CPA6: variants seen among roughly 807,000 people sequenced by gnomAD.
CPA6 encodes carboxypeptidase B.
CPA6 carries 58 observed loss-of-function variants against 63.3 expected under a neutral mutation model. That is an observed-to-expected ratio of 0.92 (90% confidence interval 0.74 to 1.14). The LOEUF (loss-of-function observed/expected upper bound fraction) is 1.14. CPA6 is among the 50% of genes most tolerant of loss of function. The probability of loss-of-function intolerance (pLI) is 0.00; values close to 1 mark genes in which losing one functional copy is unlikely to be tolerated. For synonymous variants in CPA6, 185 were observed against 179.0 expected (o/e 1.03, Z -0.27); for missense variants, 565 against 526.6 (o/e 1.07, Z -0.71).
intron 1 of CPA6, among the ~76,000 whole-genome samples, chr8:67,742,889 TTTA>T (rs199776905): frequency 0.011 from 1,730 of 152,320 alleles, 30 homozygotes; most frequent in African/African-American, 0.039. Context: ...TTTGCCAGAA[TTTA>T]TTGTTACTGT....
chr8:67,634,283 T>A (rs562901141), intron 1 of CPA6, among the ~76,000 whole-genome samples: 1 of 148,552 alleles, frequency 6.7e-6, no homozygotes, highest in Non-Finnish European at 1.5e-5. Context: ...GCAGTGGCAC[T>A]ATCTCGGCTC....
intron 2 of CPA6, among the ~76,000 whole-genome samples, chr8:67,543,257 G>A (rs1812743896): frequency 6.6e-6 from 1 of 152,208 alleles, no homozygotes; most frequent in Non-Finnish European, 1.5e-5. Flanking sequence ...GCTATTTCAA[G>A]TCACTTATGT....
intron 1 of CPA6, among the ~76,000 whole-genome samples, chr8:67,632,433 G>A (rs1405987550): frequency 2.0e-5 from 3 of 151,810 alleles, no homozygotes; most frequent in African/African-American, 7.3e-5. Flanking sequence ...TCAGCCTCCT[G>A]AGTAGCTGGG....
chr8:67,547,560 C>A (rs544877229), intron 2 of CPA6, among the ~76,000 whole-genome samples: 1 of 149,526 alleles, frequency 6.7e-6, no homozygotes, highest in Non-Finnish European at 1.5e-5. Flanking sequence ...TGCAGTGGTG[C>A]GATAATGGCT....
At chr8:67,646,424 G>T (rs1442609691) in intron 1 of CPA6, among the ~76,000 whole-genome samples, 1 of 152,158 alleles carries the variant, frequency 6.6e-6, no homozygotes, top group South Asian at 2.1e-4. Flanking sequence ...TTGCCTATTG[G>T]CTTCATGGGA....
At chr8:67,678,568 A>G (rs1199014171) in intron 1 of CPA6, among the ~76,000 whole-genome samples, 2 of 152,224 alleles carry the variant, frequency 1.3e-5, no homozygotes, top group Non-Finnish European at 2.9e-5. Flanking sequence ...TTAATACTCA[A>G]TGCAACACCA....
intron 8 of CPA6, among the ~76,000 whole-genome samples, chr8:67,436,995 AG>A (rs1033778572): frequency 1.3e-5 from 2 of 152,196 alleles, no homozygotes; most frequent in African/African-American, 4.8e-5. Context: ...GGAAGTCAAG[AG>A]TCGAGTGGGG....
chr8:67,543,653 A>G (rs2128971342), intron 2 of CPA6, among the ~76,000 whole-genome samples: 1 of 152,278 alleles, frequency 6.6e-6, no homozygotes, highest in South Asian at 2.1e-4. Context: ...TATTTTTACC[A>G]TGGACCATTT....
rs1554666527 is a variant in CPA6 at position 67,475,831 on chromosome 8, C to CTTTCTTTCTT, written c.838+7927_838+7936dup. On this transcript the variant is annotated intron_variant, in intron 8 of 10. Coordinates refer to ENST00000297770, the MANE Select transcript of CPA6 (RefSeq NM_020361.5). ...TTTCTTTCTTTCCTTTCTTTTCTTT[C>CTTTCTTTCTT]TTTCTTTCTTTCTTTCTTTCTTTCT... Among the ~76,000 whole-genome samples the CTTTCTTTCTT allele has an allele frequency of 6.9e-4, 35 of 50,430 alleles. 2 individuals carry two copies. The highest frequency in any genetic ancestry group is 9.6e-3 in the Middle Eastern group (1 of 104). The allele number at this position is 50,430 out of a possible 152,430, so 33.1% of individuals were successfully genotyped here. A position where few individuals can be genotyped will look rare whatever the true frequency, so the allele number is the denominator to read the frequency against.
intron 8 of CPA6, among the ~76,000 whole-genome samples, chr8:67,473,163 C>T (rs904583943): frequency 2.0e-5 from 3 of 152,152 alleles, no homozygotes; most frequent in Non-Finnish European, 4.4e-5. Flanking sequence ...AAAAGGAAAG[C>T]TTTTTGTATT....
At chr8:67,653,514 G>A (rs1221451141) in intron 1 of CPA6, among the ~76,000 whole-genome samples, 2 of 151,408 alleles carry the variant, frequency 1.3e-5, no homozygotes, top group Non-Finnish European at 1.5e-5. Flanking sequence ...ATTGTGAATG[G>A]GAGTTCACTC....
At chr8:67,455,690 A>AAAAAAAAAAAAG (rs1241711270) in intron 8 of CPA6, among the ~76,000 whole-genome samples, 1 of 150,338 alleles carries the variant, frequency 6.7e-6, no homozygotes, top group South Asian at 2.1e-4. Context: ...AAAAAAAAAA[A>AAAAAAAAAAAAG]AAAGAAAATG....
intron 1 of CPA6, among the ~76,000 whole-genome samples, chr8:67,649,502 A>G (rs16933494): frequency 0.028 from 4,316 of 152,184 alleles, 166 homozygotes; most frequent in African/African-American, 0.083. Context: ...TGGTCCTCTT[A>G]TGATTTTTTA....
intron 2 of CPA6, among the ~76,000 whole-genome samples, chr8:67,617,436 G>C (rs902775367): frequency 2.0e-5 from 3 of 152,114 alleles, no homozygotes; most frequent in Admixed American, 6.6e-5. Flanking sequence ...TGCTACAGAA[G>C]GCAAAAGTCA....
At chr8:67,607,251 T>TCTTCTTCTTCTTCTTCTTCTTCTC in intron 2 of CPA6, among the ~76,000 whole-genome samples, 1 of 81,088 alleles carries the variant, frequency 1.2e-5, no homozygotes, top group Non-Finnish European at 2.3e-5. Flanking sequence ...TTCTTCTTCT[T>TCTTCTTCTTCTTCTTCTTCTTCTC]CTCCTCCTCC....
intron 2 of CPA6, among the ~76,000 whole-genome samples, chr8:67,603,896 T>C (rs929229298): frequency 6.6e-6 from 1 of 152,244 alleles, no homozygotes; most frequent in Non-Finnish European, 1.5e-5. Context: ...ACACTTTTTG[T>C]CCTTCTGATT....
At chr8:67,605,702 T>C (rs1416738782) in intron 2 of CPA6, among the ~76,000 whole-genome samples, 2 of 152,142 alleles carry the variant, frequency 1.3e-5, no homozygotes, top group African/African-American at 4.8e-5. Flanking sequence ...TCTATTAAAG[T>C]AACACCAGCT....
chr8:67,722,087 G>T (rs1168933506), intron 1 of CPA6, among the ~76,000 whole-genome samples: 1 of 152,196 alleles, frequency 6.6e-6, no homozygotes, highest in East Asian at 1.9e-4. Flanking sequence ...TGGACTACAA[G>T]GTAGCACTGG....
intron 9 of CPA6, chr8:67,429,751 C>T (rs925849904): frequency 1.3e-5 from 2 of 152,118 alleles, no homozygotes; most frequent in African/African-American, 2.4e-5. Context: ...AAGATTATTT[C>T]ATTCTGCTAG....
Sources: allele counts gnomAD v4.1 joint callset (sites outside exome capture counted in the v4.1 genomes callset), GRCh38; gene constraint gnomAD v4.1.1; transcripts MANE v1.5; gene names NCBI Gene and HGNC (gene_info 2026-07-23, HGNC 2026-07-21).